Variants in C8orf34 observed in about 807,000 individuals in gnomAD.
C8orf34 encodes chromosome 8 open reading frame 34.
A neutral mutation model predicts 68.3 loss-of-function variants in C8orf34; 65 were observed. The ratio of observed to expected loss-of-function variants is 0.95; its 90% CI spans 0.78 to 1.17. The LOEUF is 1.17. C8orf34 is among the 50% of genes most tolerant of loss of function. The probability of loss-of-function intolerance (pLI) is 0.00; values close to 1 mark genes in which losing one functional copy is unlikely to be tolerated. For missense variants in C8orf34, 664 were observed against 655.4 expected (o/e 1.01, Z -0.14); for synonymous variants, 244 against 241.2 (o/e 1.01, Z -0.11).
At chr8:68,686,357 G>C (rs1186249513) in intron 8 of C8orf34, among the ~76,000 whole-genome samples, 1 of 152,052 alleles carries the variant, frequency 6.6e-6, no homozygotes, top group Admixed American at 6.6e-5. Flanking sequence ...CAATACCCTT[G>C]ATGAACATAG....
rs368684023 is a variant in C8orf34, at chr8:68,781,866, T to C, written c.1455+5417T>C. ...AATGTTCCATTTGTACTTTAGGCAA[T>C]TTGCATTAATTAGAGAATAGTTGAA... On this transcript the variant is annotated intron_variant, in intron 11 of 13. Transcript: ENST00000518698. Among the ~76,000 whole-genome samples, 14 of 152,350 alleles carry C rather than the reference T, an allele frequency of 9.2e-5. No individual in the cohort carries two copies. In the South Asian group the frequency reaches 2.7e-3, roughly 29 times the overall value.
chr8:68,469,033 G>T (rs895931472), intron 4 of C8orf34, among the ~76,000 whole-genome samples: 66 of 152,018 alleles, frequency 4.3e-4, no homozygotes, highest in African/African-American at 1.5e-3. Context: ...AAGAGCTGTA[G>T]AACCCCTCAT....
chr8:68,763,032 T>G (rs749633037), intron 10 of C8orf34, among the ~76,000 whole-genome samples: 6 of 152,222 alleles, frequency 3.9e-5, no homozygotes, highest in Non-Finnish European at 7.3e-5. Flanking sequence ...TTGCCCTAAC[T>G]GATTGGTCTA....
Position 68,331,359 on chromosome 8 carries a change from G to A in C8orf34, c.327+20G>A. On this transcript the variant is annotated intron_variant, in intron 1 of 13. Coordinates refer to ENST00000518698, the MANE Select transcript of C8orf34 (RefSeq NM_052958.4). ...TTTGAGGTAAGGCGCTGTGGAGGAG[G>A]GCAGTCCCGTTGTCTTTAGGGGAAG... The A allele has an allele frequency of 6.5e-7, 1 of 1,534,958 alleles. No individual in the cohort carries two copies. Among genetic ancestry groups the A allele is most frequent in the Non-Finnish European group, 8.7e-7 (1 of 1,145,742 alleles).
chr8:68,544,006 A>G (rs142479569), intron 7 of C8orf34, among the ~76,000 whole-genome samples: 4 of 152,248 alleles, frequency 2.6e-5, no homozygotes, highest in East Asian at 3.9e-4. Context: ...TGAAAGTGGA[A>G]CTCAGGTGTA....
chr8:68,519,647 C>T (rs1326567069), intron 5 of C8orf34, among the ~76,000 whole-genome samples: 1 of 151,866 alleles, frequency 6.6e-6, no homozygotes, highest in East Asian at 1.9e-4. Flanking sequence ...TATTGATTTT[C>T]ATGGTCTTTT....
intron 3 of C8orf34, among the ~76,000 whole-genome samples, chr8:68,462,087 T>G (rs1378410658): frequency 6.6e-6 from 1 of 151,764 alleles, no homozygotes; most frequent in Non-Finnish European, 1.5e-5. Flanking sequence ...AATAAAAGGA[T>G]GGAGGAAGAT....
intron 5 of C8orf34, among the ~76,000 whole-genome samples, chr8:68,489,234 G>A (rs1255983090): frequency 6.6e-6 from 1 of 152,156 alleles, no homozygotes; most frequent in African/African-American, 2.4e-5. Flanking sequence ...GCTGGAAAGA[G>A]AGAAGCACAT....
intron 8 of C8orf34, among the ~76,000 whole-genome samples, chr8:68,643,035 C>G (rs1252249501): frequency 6.6e-6 from 1 of 152,158 alleles, no homozygotes; most frequent in Admixed American, 6.5e-5. Flanking sequence ...CCAGGAGGTT[C>G]CTAACAGGCC....
At chr8:68,449,969 T>C (rs1811278489) in intron 3 of C8orf34, among the ~76,000 whole-genome samples, 1 of 152,164 alleles carries the variant, frequency 6.6e-6, no homozygotes, top group Non-Finnish European at 1.5e-5. Flanking sequence ...TCTTTCAGAA[T>C]TGGAGTCAAT....
intron 10 of C8orf34, among the ~76,000 whole-genome samples, chr8:68,767,958 CACTT>C (rs1382674571): frequency 6.6e-6 from 1 of 152,196 alleles, no homozygotes; most frequent in South Asian, 2.1e-4. Context: ...TCCTTTCCCT[CACTT>C]ACTATTTGGT....
chr8:68,727,571 G>T (rs1232270879), intron 10 of C8orf34, among the ~76,000 whole-genome samples: 1 of 152,260 alleles, frequency 6.6e-6, no homozygotes, highest in Non-Finnish European at 1.5e-5. Context: ...CCTAGCAGAG[G>T]TTCTCCATAC....
chr8:68,450,600 A>C (rs1382979793), intron 3 of C8orf34, among the ~76,000 whole-genome samples: 8 of 152,158 alleles, frequency 5.3e-5, no homozygotes, highest in Admixed American at 5.2e-4. Context: ...CTCCTTGTAC[A>C]TTGCCATCAG....
intron 8 of C8orf34, among the ~76,000 whole-genome samples, chr8:68,675,562 T>A (rs1820159180): frequency 1.4e-5 from 2 of 146,094 alleles, no homozygotes; most frequent in African/African-American, 5.3e-5. Flanking sequence ...CTCATAGTAA[T>A]CTCAAATAAA....
At chr8:68,338,973 T>A (rs142662144) in intron 1 of C8orf34, among the ~76,000 whole-genome samples, 2 of 152,226 alleles carry the variant, frequency 1.3e-5, no homozygotes, top group Non-Finnish European at 2.9e-5. Context: ...TCTAATGCAA[T>A]GAATTTTCTT....
intron 8 of C8orf34, among the ~76,000 whole-genome samples, chr8:68,662,382 G>A (rs1242515119): frequency 6.6e-6 from 1 of 152,134 alleles, no homozygotes; most frequent in Non-Finnish European, 1.5e-5. Flanking sequence ...AAGTGATATG[G>A]TTTGGCTGTG....
At chr8:68,658,088 T>G (rs1043363395) in intron 8 of C8orf34, among the ~76,000 whole-genome samples, 5 of 152,198 alleles carry the variant, frequency 3.3e-5, no homozygotes, top group Non-Finnish European at 2.9e-5. Flanking sequence ...CACATATACT[T>G]TTTCCATATC....
intron 5 of C8orf34, among the ~76,000 whole-genome samples, chr8:68,504,243 T>C (rs568288810): frequency 6.6e-6 from 1 of 152,370 alleles, no homozygotes; most frequent in South Asian, 2.1e-4. Flanking sequence ...AAGGTTTGTC[T>C]ATGTTGTTGT....
intron 8 of C8orf34, among the ~76,000 whole-genome samples, chr8:68,708,335 T>C (rs1315034584): frequency 6.6e-6 from 1 of 152,244 alleles, no homozygotes; most frequent in Non-Finnish European, 1.5e-5. Context: ...TGCTGTGGTA[T>C]ATAAAAGCAA....
Sources: gnomAD v4.1 joint callset for allele counts (sites outside exome capture counted in the v4.1 genomes callset) on GRCh38, gnomAD v4.1.1 for gene constraint, MANE v1.5 for transcripts, NCBI Gene and HGNC (gene_info 2026-07-23, HGNC 2026-07-21) for gene names.